Variants in FGFR1 observed in about 807,000 individuals in gnomAD.
FGFR1 encodes fibroblast growth factor receptor 1, also known as FGFR1/PLAG1 fusion.
Under a neutral mutation model 93.7 loss-of-function variants are expected in FGFR1, and 18 were observed. The ratio of observed to expected loss-of-function variants is 0.19; its 90% CI spans 0.13 to 0.28. FGFR1 has a LOEUF of 0.28. Among genes scored for constraint, FGFR1 ranks in the 10% least tolerant of loss-of-function variants. The pLI, the probability that FGFR1 is intolerant of heterozygous loss-of-function variation, is 1.00. For missense variants in FGFR1, 731 were observed against 1,080.4 expected (o/e 0.68, Z 4.53); for synonymous variants, 448 against 429.3 (o/e 1.04, Z -0.54).
At chr8:38,449,030 A>G (rs868494783) in intron 2 of FGFR1, among the ~76,000 whole-genome samples, 2 of 152,054 alleles carry the variant, frequency 1.3e-5, no homozygotes, top group African/African-American at 4.8e-5. Flanking sequence ...TGATCCCAGG[A>G]GGTCGAGGCT....
At chr8:38,422,161 C>T (rs745521662) in intron 7 of FGFR1, 79 of 578,636 alleles carry the variant, frequency 1.4e-4, no homozygotes, top group Middle Eastern at 8.4e-4. Context: ...CCTGAGAAGA[C>T]GATGGCTGGT....
At chr8:38,430,115 T>C (rs1822437728) in intron 2 of FGFR1, 167 bp from the exon 3 acceptor site, 1 of 661,522 alleles carries the variant, frequency 1.5e-6, no homozygotes, top group Non-Finnish European at 2.5e-6. Context: ...AATTGGAGCA[T>C]GGGTCAGTGG....
chr8:38,434,326 CTGCTT>C (rs1241437416), intron 2 of FGFR1: 107 of 185,030 alleles, frequency 5.8e-4, no homozygotes, highest in East Asian at 1.1e-3. Flanking sequence ...CATATTGCTG[CTGCTT>C]TTTTTTTTTT....
At chr8:38,415,311 T>G (rs931928606) in intron 13 of FGFR1, among the ~76,000 whole-genome samples, 3 of 152,172 alleles carry the variant, frequency 2.0e-5, no homozygotes, top group Admixed American at 1.3e-4. Flanking sequence ...TATTTTCTTT[T>G]GAGACAGGGC....
In FGFR1 at chr8:38,415,853, G is replaced by GC; in HGVS notation, c.1854+16dup. The GC allele has an allele frequency of 6.2e-7, 1 of 1,611,944 alleles. No individual in the cohort carries two copies. Among genetic ancestry groups the GC allele is most frequent in the Non-Finnish European group, 8.5e-7 (1 of 1,179,026 alleles). On this transcript the variant is annotated intron_variant, in intron 13 of 17. Coordinates refer to ENST00000447712, the MANE Select transcript of FGFR1 (RefSeq NM_023110.3). Reference sequence around the variant, plus strand: ...TCCCACCCTGGCATTACCCAGGGGAGCCTTCAGGTTCCACACCTTCTTGGA... The same window carrying GC: ...TCCCACCCTGGCATTACCCAGGGGAGCCCTTCAGGTTCCACACCTTCTTGGA...
intron 2 of FGFR1, among the ~76,000 whole-genome samples, chr8:38,446,105 G>A (rs904229486): frequency 6.6e-6 from 1 of 151,930 alleles, no homozygotes; most frequent in African/African-American, 2.4e-5. Context: ...TCCAGGAAAA[G>A]GGTGTCCTTC....
intron 2 of FGFR1, among the ~76,000 whole-genome samples, chr8:38,436,428 T>A (rs1825451423): frequency 6.6e-6 from 1 of 152,026 alleles, no homozygotes; most frequent in Non-Finnish European, 1.5e-5. Flanking sequence ...TTGATGCCAA[T>A]AGAATGGAGT....
chr8:38,428,726 T>G, intron 3 of FGFR1: 1 of 448,834 alleles, frequency 2.2e-6, no homozygotes, highest in Non-Finnish European at 4.1e-6. Flanking sequence ...TCAAAGGCGC[T>G]TTCTCAACTT....
intron 12 of FGFR1, among the ~76,000 whole-genome samples, chr8:38,416,798 G>A (rs1816820962): frequency 6.6e-6 from 1 of 152,046 alleles, no homozygotes; most frequent in African/African-American, 2.4e-5. Flanking sequence ...TATCTCCCAA[G>A]CTGGAGTACA....
chr8:38,420,136 C>T (rs1301965950), intron 8 of FGFR1: 1 of 251,552 alleles, frequency 4.0e-6, no homozygotes, highest in Non-Finnish European at 7.8e-6. Context: ...AAAGCCTCAG[C>T]ACTGTGTGCA....
Position 38,440,395 on chromosome 8 carries a change from G to C in FGFR1, c.92-10447C>G, listed in dbSNP as rs566886659. On this transcript the variant is annotated intron_variant, in intron 2 of 17. Coordinates refer to ENST00000447712, the MANE Select transcript of FGFR1 (RefSeq NM_023110.3). ...CATCCTACAAGGGTTTGGGTGGAGA[G>C]AGCCCCAAAAATGTGTTTCTCTCAA... is the stretch of plus-strand genomic sequence containing the variant. 3.6e-5 allele frequency: 56 copies of C among 1,563,612 alleles called. No homozygotes were observed. The African/African-American group carries it at 6.6e-4, about 18-fold the overall frequency.
intron 10 of FGFR1, 92 bp from the exon 11 acceptor site, chr8:38,418,083 A>C (rs2150664327): frequency 6.2e-7 from 1 of 1,609,402 alleles, no homozygotes; most frequent in Non-Finnish European, 8.5e-7. Context: ...TATTTCACCC[A>C]ACTGCGAGCA....
chr8:38,424,171 G>A lies in FGFR1; in HGVS notation c.936+338C>T, dbSNP rs1819864398. The A allele has an allele frequency of 2.2e-6, 1 of 455,190 alleles. No homozygotes were observed. The highest frequency in any genetic ancestry group is 2.0e-5 in the African/African-American group (1 of 50,188). The allele number at this position is 455,190 out of a possible 1,614,324, so 28.2% of individuals were successfully genotyped here. On this transcript the variant is annotated intron_variant, in intron 7 of 17. Coordinates refer to ENST00000447712, the MANE Select transcript of FGFR1 (RefSeq NM_023110.3). This position sits in a 1 kb window ranked among gnomAD's most constrained non-coding sequence, Gnocchi z 4.3. ...GGGCTAAGACTGGGAAACGCTTGGT[G>A]GAAAGGCTCTGGTTTCGGGCAATGA...
chr8:38,437,527 G>C (rs916893909), intron 2 of FGFR1, among the ~76,000 whole-genome samples: 1 of 152,194 alleles, frequency 6.6e-6, no homozygotes, highest in Non-Finnish European at 1.5e-5. Flanking sequence ...AGTGAGAGCA[G>C]AGGTTGGACA....
intron 2 of FGFR1, among the ~76,000 whole-genome samples, chr8:38,451,825 A>C (rs770107561): frequency 3.3e-5 from 5 of 152,134 alleles, no homozygotes; most frequent in Non-Finnish European, 5.9e-5. Context: ...CCTTGCAAGC[A>C]GTGTTGTACT....
chr8:38,461,915 G>C (rs982977932), intron 1 of FGFR1, among the ~76,000 whole-genome samples: 4 of 152,100 alleles, frequency 2.6e-5, no homozygotes, highest in Non-Finnish European at 5.9e-5. Context: ...CAGGAGATTT[G>C]GTAATTGGCA....
intron 16 of FGFR1, 36 bp downstream of exon 16, chr8:38,414,116 C>A (rs375735791): frequency 6.2e-7 from 1 of 1,614,184 alleles, no homozygotes. Flanking sequence ...TGCCCCAAGG[C>A]CTGGCTCAGG....
At position 38,424,376 on chromosome 8, in the gene FGFR1, G is replaced by A; in HGVS notation, c.936+133C>T. 2 of 928,582 alleles carry A rather than the reference G, an allele frequency of 2.2e-6. No individual in the cohort carries two copies. Among genetic ancestry groups the A allele is most frequent in the South Asian group, 1.4e-5 (1 of 72,634 alleles). 57.5% of individuals were successfully genotyped at this position (928,582 alleles called of 1,614,324 possible). A position where few individuals can be genotyped will look rare whatever the true frequency, so the allele number is the denominator to read the frequency against. On this transcript the variant is annotated intron_variant, in intron 7 of 17. Coordinates refer to ENST00000447712, the MANE Select transcript of FGFR1 (RefSeq NM_023110.3). This position sits in a 1 kb window ranked among gnomAD's most constrained non-coding sequence, Gnocchi z 4.3. Reference sequence around the variant, plus strand: ...GATGTGGCTAGATCCCTACTGAGATGGAGTGTGTGTGCCTGAAGCGTGAGG... The same window carrying A: ...GATGTGGCTAGATCCCTACTGAGATAGAGTGTGTGTGCCTGAAGCGTGAGG...
intron 1 of FGFR1, chr8:38,463,458 T>C (rs150512143): frequency 0.014 from 2,994 of 209,654 alleles, 27 homozygotes; most frequent in Non-Finnish European, 0.02. Flanking sequence ...ATGATTGTTA[T>C]TTATGTTCTT....
Sources: gnomAD v4.1 joint callset for allele counts (sites outside exome capture counted in the v4.1 genomes callset) on GRCh38, gnomAD v4.1.1 for gene constraint, Gnocchi (gnomAD v3.1) non-coding constraint, MANE v1.5 for transcripts, NCBI Gene and HGNC (gene_info 2026-07-23, HGNC 2026-07-21) for gene names.